USP28: variants seen among roughly 807,000 people sequenced by gnomAD.
USP28 encodes the protein ubiquitin specific peptidase 28.
Under a neutral mutation model 145.0 loss-of-function variants are expected in USP28, and 113 were observed. The observed-to-expected ratio is 0.78, with a 90% CI of 0.67 to 0.91. The LOEUF is 0.91. Among genes scored for constraint, USP28 ranks in the 40% least tolerant of loss-of-function variants. The pLI, the probability that USP28 is intolerant of heterozygous loss-of-function variation, is 0.00. For synonymous variants in USP28, 447 were observed against 450.9 expected (o/e 0.99, Z 0.11); for missense variants, 1,201 against 1,289.6 (o/e 0.93, Z 1.05).
chr11:113,832,372 G>A (rs1201829023), intron 7 of USP28, among the ~76,000 whole-genome samples: 1 of 152,198 alleles, frequency 6.6e-6, no homozygotes. Context: ...GGCGTCGCAA[G>A]TGCTGGGATT....
At chr11:113,859,680 C>T (rs910299876) in intron 1 of USP28, among the ~76,000 whole-genome samples, 1 of 152,040 alleles carries the variant, frequency 6.6e-6, no homozygotes, top group African/African-American at 2.4e-5. Flanking sequence ...ACTCACTTCA[C>T]CTGAACTTCA....
intron 1 of USP28, among the ~76,000 whole-genome samples, chr11:113,867,147 G>C (rs1443839524): frequency 1.3e-5 from 2 of 152,186 alleles, no homozygotes; most frequent in Non-Finnish European, 2.9e-5. Context: ...GGGGAATAGG[G>C]AGTGACTGCT....
chr11:113,860,310 T>A (rs1015757873), intron 1 of USP28, among the ~76,000 whole-genome samples: 3 of 152,034 alleles, frequency 2.0e-5, no homozygotes, highest in Non-Finnish European at 4.4e-5. Context: ...ATTTCTAAAT[T>A]TACAACTAAG....
At chr11:113,812,570 T>C in intron 15 of USP28, 66 bp from the exon 16 acceptor site, 4 of 1,413,716 alleles carry the variant, frequency 2.8e-6, no homozygotes, top group East Asian at 4.6e-5. Flanking sequence ...TTTAGGTTAT[T>C]AAGAAATTAC....
exon 7 of USP28, chr11:113,833,423 C>T (rs753220997): frequency 9.3e-6 from 15 of 1,612,218 alleles, no homozygotes; most frequent in Middle Eastern, 1.6e-4. Context: ...TTTGTACCTG[C>T]TGTTCCTCAG....
chr11:113,817,702 A>G, exon 13 of USP28: 1 of 1,614,246 alleles, frequency 6.2e-7, no homozygotes, highest in Non-Finnish European at 8.5e-7. Context: ...GCACTGAAGA[A>G]AGTGGTAATG....
At chr11:113,832,916 G>A (rs1318311330) in intron 7 of USP28, among the ~76,000 whole-genome samples, 1 of 152,130 alleles carries the variant, frequency 6.6e-6, no homozygotes, top group Non-Finnish European at 1.5e-5. Context: ...GACTACAGGT[G>A]CGTACCACCA....
At chr11:113,799,647 T>C (rs1002476067) in intron 24 of USP28, among the ~76,000 whole-genome samples, 1 of 152,240 alleles carries the variant, frequency 6.6e-6, no homozygotes, top group African/African-American at 2.4e-5. Context: ...AAGGGTCTTC[T>C]AACCAATTGT....
chr11:113,853,598 G>T (rs895653905), intron 2 of USP28, among the ~76,000 whole-genome samples: 3 of 151,998 alleles, frequency 2.0e-5, no homozygotes, highest in Admixed American at 2.0e-4. Flanking sequence ...CCCATGGCCC[G>T]GCGTGGTGGC....
At chr11:113,815,085 T>C (rs779076123) in intron 14 of USP28, 89 bp downstream of exon 14, 19 of 1,116,454 alleles carry the variant, frequency 1.7e-5, no homozygotes, top group Non-Finnish European at 2.5e-5. Context: ...TGTACAGTAA[T>C]GTCAGGAAGT....
chr11:113,828,258 T>A (rs1320603684), intron 10 of USP28, among the ~76,000 whole-genome samples: 1 of 152,250 alleles, frequency 6.6e-6, no homozygotes, highest in Non-Finnish European at 1.5e-5. Context: ...AATTTTGTTG[T>A]TTTGTTTAAT....
In USP28 at chr11:113,871,615, T is replaced by C. The variant is rs1488939015; in HGVS notation, c.57+3830A>G. The stretch of plus-strand genomic sequence containing the variant: ...CTAGTAAAAACCATTAATCTAGGTT[T>C]ATCTCTAAGAAATGAAAGGGGGAAA... On this transcript the variant is annotated intron_variant, in intron 1 of 24. Transcript: ENST00000003302. 2.6e-5 allele frequency among the ~76,000 whole-genome samples: 4 copies of C among 152,204 alleles called. No individual in the cohort carries two copies. The East Asian group carries it at 5.8e-4, about 22-fold the overall frequency.
chr11:113,829,084 T>C (rs1943690470), intron 10 of USP28, 113 bp downstream of exon 10: 4 of 1,416,610 alleles, frequency 2.8e-6, no homozygotes, highest in Non-Finnish European at 3.9e-6. Flanking sequence ...CAAATTCAAG[T>C]TCTGCTAAGT....
intron 1 of USP28, among the ~76,000 whole-genome samples, chr11:113,868,925 CAA>C (rs58107096): frequency 3.5e-4 from 27 of 77,786 alleles, no homozygotes; most frequent in Admixed American, 5.8e-4. Context: ...GACCATGTCT[CAA>C]AAAAAAAAAA....
At chr11:113,827,437 C>G in intron 10 of USP28, 77 bp from the exon 11 acceptor site, 2 of 1,433,474 alleles carry the variant, frequency 1.4e-6, no homozygotes, top group Non-Finnish European at 1.9e-6. Context: ...TAAAATATCT[C>G]TCATTAAAGT....
At chr11:113,832,945 T>C (rs1168992882) in intron 7 of USP28, among the ~76,000 whole-genome samples, 1 of 151,988 alleles carries the variant, frequency 6.6e-6, no homozygotes, top group Non-Finnish European at 1.5e-5. Context: ...TATTTTTTAA[T>C]AGGAGGTAGG....
chr11:113,875,125 G>A (rs1261900282), intron 1 of USP28, among the ~76,000 whole-genome samples: 1 of 152,184 alleles, frequency 6.6e-6, no homozygotes, highest in Non-Finnish European at 1.5e-5. Context: ...TCTCACCCCG[G>A]ACGGGGCCCA....
chr11:113,838,973 G>T (rs965814213), intron 5 of USP28, among the ~76,000 whole-genome samples: 2 of 152,300 alleles, frequency 1.3e-5, no homozygotes, highest in East Asian at 3.9e-4. Context: ...GTTGCATTGG[G>T]GCTATGTAAG....
chr11:113,812,706 C>T (rs972623642), intron 15 of USP28, among the ~76,000 whole-genome samples: 1 of 152,168 alleles, frequency 6.6e-6, no homozygotes, highest in Non-Finnish European at 1.5e-5. Flanking sequence ...AAAACCAGAT[C>T]GCTGAACTAC....
Sources: gnomAD v4.1 joint callset for allele counts (sites outside exome capture counted in the v4.1 genomes callset) on GRCh38, gnomAD v4.1.1 for gene constraint, MANE v1.5 for transcripts, NCBI Gene and HGNC (gene_info 2026-07-23, HGNC 2026-07-21) for gene names.